The following DOCK6 variants were observed in gnomAD, a reference collection of about 807,000 sequenced individuals.
DOCK6 encodes dedicator of cytokinesis 6.
A neutral mutation model predicts 230.3 loss-of-function variants in DOCK6; 167 were observed. The observed-to-expected ratio is 0.73, with a 90% CI of 0.64 to 0.82. DOCK6 has a LOEUF of 0.82. Ranked by LOEUF, DOCK6 falls within the 40% of genes least tolerant of loss-of-function variation. The pLI is 0.00. For missense variants in DOCK6, 2,598 were observed against 2,825.8 expected (o/e 0.92, Z 1.83); for synonymous variants, 1,148 against 1,185.0 (o/e 0.97, Z 0.64).
intron 39 of DOCK6, among the ~76,000 whole-genome samples, chr19:11,207,828 G>A (rs1018622168): frequency 3.3e-5 from 5 of 152,056 alleles, no homozygotes; most frequent in Admixed American, 3.3e-4. Context: ...TACTCAGGAG[G>A]CCAGGGTGGG....
chr19:11,221,897 C>G lies in DOCK6; in HGVS notation c.3504G>C (p.Leu1168=), dbSNP rs775783981. Reference sequence around the variant, plus strand: ...GCAAGGTATCCCGTGCAATCGATAGCAGTGGCAGGTACAGCTCGGCCACAC... The same window carrying G: ...GCAAGGTATCCCGTGCAATCGATAGGAGTGGCAGGTACAGCTCGGCCACAC... ...KARVAELYLP[L]LSIARDTLPR... The change falls in exon 28 of 48, where the codon CTG becomes CTC. Residue 1168 remains leucine, a synonymous_variant. Transcript: ENST00000294618. The G allele has an allele frequency of 6.2e-7, 1 of 1,613,450 alleles. No individual in the cohort carries two copies. Among genetic ancestry groups the G allele is most frequent in the Non-Finnish European group, 8.5e-7 (1 of 1,179,888 alleles).
Position 11,252,182 on chromosome 19 carries a change from G to T in DOCK6, c.444C>A (p.Gly148=), listed in dbSNP as rs576291183. 6 of 1,583,672 alleles carry T rather than the reference G, an allele frequency of 3.8e-6. 1 individual carries two copies. Among genetic ancestry groups the T allele is most frequent in the South Asian group, 3.5e-5 (3 of 86,666 alleles). The stretch of plus-strand genomic sequence containing the variant: ...CCTGCTCAAAGACCTGGCGGGGGAG[G>T]CCCTTCTGTCGCTCCCGCTGTGTGT... ...TTDTQRERQK[G]LPRQVFEQDA... Residue 148 remains glycine, a synonymous_variant, in exon 5 of 48, where the codon GGC becomes GGA. Transcript: ENST00000294618.
chr19:11,239,489 C>A, intron 14 of DOCK6: 1 of 996,534 alleles, frequency 1.0e-6, no homozygotes, highest in South Asian at 1.6e-5. Flanking sequence ...GCCGGACATT[C>A]GCCTGATGCA....
intron 22 of DOCK6, among the ~76,000 whole-genome samples, chr19:11,229,823 C>T (rs2079734787): frequency 6.6e-6 from 1 of 151,354 alleles, no homozygotes; most frequent in Non-Finnish European, 1.5e-5. Context: ...AGTTTAAGAT[C>T]AGCCTGGGCA....
chr19:11,215,999 C>G, intron 30 of DOCK6, 72 bp from the exon 31 acceptor site: 1 of 1,582,600 alleles, frequency 6.3e-7, no homozygotes, highest in East Asian at 2.3e-5. Context: ...GGCCCCATCC[C>G]TTTCTTTGTG....
intron 1 of DOCK6, among the ~76,000 whole-genome samples, chr19:11,260,882 C>CAAAAAAAAAAAAAA (rs59900669): frequency 0.011 from 657 of 61,610 alleles, 64 homozygotes; most frequent in African/African-American, 0.018. Context: ...GACTCTGTCT[C>CAAAAAAAAAAAAAA]AAAAAAAAAA....
Position 11,217,073 on chromosome 19 carries a change from G to T in DOCK6, c.3735C>A (p.Leu1245=). The part of the protein sequence containing the change: ...PPTASRAGCA[L]SAESSRTLLA... ...GCAAGGTCCGGCTTGACTCAGCAGA[G>T]AGGGCACAGCCTGCGCGAGAAGCCT... Residue 1245 remains leucine (L), a synonymous_variant, in exon 30 of 48, where the codon CTC becomes CTA. Transcript: ENST00000294618. 1 of 1,613,266 alleles carries T rather than the reference G, an allele frequency of 6.2e-7. No homozygotes were observed. Among genetic ancestry groups the T allele is most frequent in the Non-Finnish European group, 8.5e-7 (1 of 1,179,742 alleles).
At chr19:11,253,245 G>A (rs1400934489) in intron 2 of DOCK6, among the ~76,000 whole-genome samples, 1 of 152,140 alleles carries the variant, frequency 6.6e-6, no homozygotes, top group African/African-American at 2.4e-5. Context: ...TGTTGACAGA[G>A]GCCAGGCAAG....
At chr19:11,260,511 T>G (rs986106372) in intron 1 of DOCK6, among the ~76,000 whole-genome samples, 2 of 150,762 alleles carry the variant, frequency 1.3e-5, no homozygotes, top group African/African-American at 4.9e-5. Context: ...GCCCGGGAGA[T>G]TGAGACTGCA....
chr19:11,261,844 C>A (rs1301877393), intron 1 of DOCK6, among the ~76,000 whole-genome samples: 1 of 150,554 alleles, frequency 6.6e-6, no homozygotes, highest in Non-Finnish European at 1.5e-5. Flanking sequence ...GTCCCCCTTC[C>A]CCCCCCCCGA....
At chr19:11,208,446 A>C in intron 39 of DOCK6, 7 of 380,744 alleles carry the variant, frequency 1.8e-5, no homozygotes, top group Non-Finnish European at 2.8e-5. Context: ...ACGCCCGGCT[A>C]ATTTTTGTAT....
intron 18 of DOCK6, 36 bp downstream of exon 18, chr19:11,237,420 C>T (rs949278855): frequency 6.2e-7 from 1 of 1,610,350 alleles, no homozygotes; most frequent in Non-Finnish European, 8.5e-7. Flanking sequence ...CTTCTGGGGA[C>T]AGTGCATTGG....
At chr19:11,208,629 T>A in intron 39 of DOCK6, 57 bp downstream of exon 39, 9 of 1,574,846 alleles carry the variant, frequency 5.7e-6, no homozygotes, top group Non-Finnish European at 7.8e-6. Flanking sequence ...GAAGCAGATC[T>A]GATGGCACCT....
rs745569968 is a variant in DOCK6, at chr19:11,252,970, C to T, written c.133-12G>A. 3.8e-6 allele frequency: 6 copies of T among 1,596,470 alleles called. No individual in the cohort carries two copies. The highest frequency in any genetic ancestry group is 1.8e-5 in the Admixed American group (1 of 56,918). On this transcript the variant is annotated splice_polypyrimidine_tract_variant and intron_variant, in intron 2 of 47. Coordinates refer to ENST00000294618, the MANE Select transcript of DOCK6 (RefSeq NM_020812.4). ...TCAGTCAGTGGGACCTGGATTGGAG[C>T]AAAGTGGCTGTGATCGCACTACCTA...
intron 14 of DOCK6, chr19:11,241,420 G>A (rs949739534): frequency 2.4e-5 from 36 of 1,490,076 alleles, no homozygotes; most frequent in Non-Finnish European, 3.1e-5. Context: ...GCTGTCGGCT[G>A]AGGTTTCCAT....
At chr19:11,217,937 C>T (rs184601718) in intron 28 of DOCK6, among the ~76,000 whole-genome samples, 2,537 of 151,674 alleles carry the variant, frequency 0.017, 52 homozygotes, top group African/African-American at 0.047. Context: ...CTGCAACCTC[C>T]GCCCCCCAGG....
rs569677632 is a variant in DOCK6 at position 11,209,171 on chromosome 19, G to T, written c.4752-68C>A. On this transcript the variant is annotated intron_variant, in intron 37 of 47. Transcript: ENST00000294618. Reference sequence around the variant, plus strand: ...GGTCCTCCCCACCTGCCTCCCACTTGTCCATTCTCTTCACTGGTTACCCCC... The same window carrying T: ...GGTCCTCCCCACCTGCCTCCCACTTTTCCATTCTCTTCACTGGTTACCCCC... 2,867 of 1,530,540 alleles carry T rather than the reference G, an allele frequency of 1.9e-3. 4 individuals carry two copies. The highest frequency in any genetic ancestry group is 2.3e-3 in the Non-Finnish European group (2,646 of 1,131,250). 94.8% of individuals were successfully genotyped at this position (1,530,540 alleles called of 1,614,324 possible). A position where few individuals can be genotyped will look rare whatever the true frequency, so the allele number is the denominator to read the frequency against.
Position 11,243,408 on chromosome 19 carries a change from CA to C in DOCK6, c.1259-24del. ...GCTCTAGGGGAGGGAATGACAATGA[CA>C]AAAGGGGGACCAAGATGAAACAGGG... is the stretch of plus-strand genomic sequence containing the variant. On this transcript the variant is annotated intron_variant, in intron 11 of 47. Transcript: ENST00000294618. This position sits in a 1 kb window ranked among gnomAD's most constrained non-coding sequence, Gnocchi z 6.3. 3 of 1,596,756 alleles carry C rather than the reference CA, an allele frequency of 1.9e-6. No individual in the cohort carries two copies. Among genetic ancestry groups the C allele is most frequent in the Non-Finnish European group, 8.5e-7 (1 of 1,172,434 alleles).
rs3810309 is a variant in DOCK6, at chr19:11,223,111, G to A, written c.2956-5C>T. On this transcript the variant is annotated splice_polypyrimidine_tract_variant and splice_region_variant and intron_variant, in intron 24 of 47. Coordinates refer to ENST00000294618, the MANE Select transcript of DOCK6 (RefSeq NM_020812.4). The stretch of plus-strand genomic sequence containing the variant: ...GTGCTCGGCCAGCTCCACATCCTGG[G>A]GACACAGGTGCCTGTCAACCCACAC... 0.016 allele frequency: 25,014 copies of A among 1,611,344 alleles called. 829 individuals are homozygous for A. Among genetic ancestry groups the A allele is most frequent in the East Asian group, 0.15 (6,846 of 44,808 alleles).
Sources: allele counts gnomAD v4.1 joint callset (sites outside exome capture counted in the v4.1 genomes callset), GRCh38; gene constraint gnomAD v4.1.1; non-coding constraint Gnocchi (gnomAD v3.1); transcripts MANE v1.5; gene names NCBI Gene and HGNC (gene_info 2026-07-23, HGNC 2026-07-21).